PTPN1: variants seen among roughly 807,000 people sequenced by gnomAD.
The protein encoded by PTPN1 is tyrosine-protein phosphatase non-receptor type 1.
Under a neutral mutation model 59.9 loss-of-function variants are expected in PTPN1, and 12 were observed. The ratio of observed to expected loss-of-function variants is 0.20; its 90% CI spans 0.13 to 0.32. The LOEUF (loss-of-function observed/expected upper bound fraction) is 0.32. Ranked by LOEUF, PTPN1 falls within the 10% of genes least tolerant of loss-of-function variation. PTPN1 has a pLI of 1.00. For synonymous variants in PTPN1, 178 were observed against 203.6 expected (o/e 0.87, Z 1.07); for missense variants, 356 against 549.2 (o/e 0.65, Z 3.52).
In PTPN1 at chr20:50,565,066, C is replaced by T. The variant is rs769763816; in HGVS notation, c.252C>T (p.Thr84=). The stretch of plus-strand genomic sequence containing the variant: ...AAGCCCAAAGGAGTTACATTCTTAC[C>T]CAGGTAAGCAGATTGTCTGAATTTT... ...MEEAQRSYIL[T]QGPLPNTCGH... Residue 84 remains threonine (T), a synonymous_variant, in exon 3 of 10, where the codon ACC becomes ACT. Transcript: ENST00000371621. 7 of 1,609,010 alleles carry T rather than the reference C, an allele frequency of 4.4e-6. No homozygotes were observed. In the East Asian group the frequency reaches 1.3e-4, roughly 31 times the overall value.
At chr20:50,511,512 C>A (rs564119614) in intron 1 of PTPN1, among the ~76,000 whole-genome samples, 2 of 152,172 alleles carry the variant, frequency 1.3e-5, no homozygotes, top group Non-Finnish European at 2.9e-5. Context: ...GGAAGGTTAA[C>A]GTTTTAACCC....
chr20:50,549,100 G>A (rs1231181180), intron 1 of PTPN1, among the ~76,000 whole-genome samples: 1 of 152,130 alleles, frequency 6.6e-6, no homozygotes, highest in Non-Finnish European at 1.5e-5. Flanking sequence ...TTGATTTGTT[G>A]GTTATCATTT....
intron 1 of PTPN1, among the ~76,000 whole-genome samples, chr20:50,556,677 G>A (rs778738846): frequency 6.6e-6 from 1 of 152,208 alleles, no homozygotes; most frequent in African/African-American, 2.4e-5. Flanking sequence ...TGGTTTGGCT[G>A]GGTGTCGTGG....
intron 1 of PTPN1, among the ~76,000 whole-genome samples, chr20:50,549,270 C>T (rs957990296): frequency 1.3e-5 from 2 of 152,210 alleles, no homozygotes; most frequent in African/African-American, 4.8e-5. Context: ...ATATTTGGAG[C>T]AGTGGGTGTA....
chr20:50,559,634 AT>A (rs11290327), intron 1 of PTPN1, among the ~76,000 whole-genome samples: 95,939 of 150,656 alleles, frequency 0.64, 30,293 homozygotes, highest in Middle Eastern at 0.78. Context: ...CTAATTTTCT[AT>A]TTTTTTTTCT....
At chr20:50,545,156 A>G (rs753584055) in intron 1 of PTPN1, among the ~76,000 whole-genome samples, 14 of 152,066 alleles carry the variant, frequency 9.2e-5, no homozygotes, top group Non-Finnish European at 1.3e-4. Context: ...TATATTGCCT[A>G]TGTTGTCTAG....
intron 1 of PTPN1, among the ~76,000 whole-genome samples, chr20:50,525,048 T>A (rs1601388203): frequency 6.6e-6 from 1 of 152,278 alleles, no homozygotes; most frequent in African/African-American, 2.4e-5. Context: ...TTCTGATATT[T>A]TTATGGTTAT....
At chr20:50,518,624 TTTG>T (rs1301574350) in intron 1 of PTPN1, among the ~76,000 whole-genome samples, 1 of 151,862 alleles carries the variant, frequency 6.6e-6, no homozygotes, top group African/African-American at 2.4e-5. Context: ...CATTTTTTGG[TTTG>T]TTGTTGTTGT....
At position 50,542,557 on chromosome 20, in the gene PTPN1, G is replaced by A. The variant is rs146244976; in HGVS notation, c.64-18806G>A. ...GGAGGAAGAGTGTATAGCCAATTGT[G>A]TAATGTCTTTAAAGGATATTATCTC... On this transcript the variant is annotated intron_variant, in intron 1 of 9. Coordinates refer to ENST00000371621, the MANE Select transcript of PTPN1 (RefSeq NM_002827.4). Among the ~76,000 whole-genome samples, 757 of 152,272 alleles carry A rather than the reference G, an allele frequency of 5.0e-3. 5 individuals carry two copies. The highest frequency in any genetic ancestry group is 0.017 in the African/African-American group (723 of 41,548).
intron 1 of PTPN1, among the ~76,000 whole-genome samples, chr20:50,547,965 TTAAG>T (rs1293680926): frequency 6.6e-6 from 1 of 152,240 alleles, no homozygotes; most frequent in Non-Finnish European, 1.5e-5. Context: ...TTTAAAAAAA[TTAAG>T]TAAATGACCA....
chr20:50,528,288 A>T (rs2082585844), intron 1 of PTPN1, among the ~76,000 whole-genome samples: 1 of 152,118 alleles, frequency 6.6e-6, no homozygotes, highest in Admixed American at 6.6e-5. Flanking sequence ...CTGTAATAAC[A>T]CGCATTGCTC....
At chr20:50,571,741 C>T in intron 4 of PTPN1, 1 of 152,214 alleles carries the variant, frequency 6.6e-6, no homozygotes, top group East Asian at 1.9e-4. Flanking sequence ...CTCACTGGTT[C>T]TGTTTAAGGA....
chr20:50,533,690 G>GCCCCC (rs11471457), intron 1 of PTPN1, among the ~76,000 whole-genome samples: 1 of 149,904 alleles, frequency 6.7e-6, no homozygotes, highest in African/African-American at 2.5e-5. Flanking sequence ...GGACACCCTT[G>GCCCCC]CCCCCCCCCA....
intron 1 of PTPN1, among the ~76,000 whole-genome samples, chr20:50,547,281 A>G (rs557232507): frequency 3.3e-5 from 5 of 152,210 alleles, no homozygotes; most frequent in Non-Finnish European, 5.9e-5. Flanking sequence ...TATAAATAAT[A>G]TAAACAAAGG....
chr20:50,561,662 TG>T (rs577972990), intron 2 of PTPN1, among the ~76,000 whole-genome samples: 3 of 152,270 alleles, frequency 2.0e-5, no homozygotes, highest in Non-Finnish European at 4.4e-5. Flanking sequence ...TTTCAGTTTC[TG>T]GAAAATTCAG....
At chr20:50,581,741 TTCTC>T (rs773954793) in intron 9 of PTPN1, among the ~76,000 whole-genome samples, 165 of 151,236 alleles carry the variant, frequency 1.1e-3, no homozygotes, top group Non-Finnish European at 1.6e-3. Flanking sequence ...ATACGTCTGT[TTCTC>T]TCTCTCTTTT....
At chr20:50,555,753 G>T (rs1384860557) in intron 1 of PTPN1, among the ~76,000 whole-genome samples, 4 of 149,908 alleles carry the variant, frequency 2.7e-5, no homozygotes, top group Admixed American at 6.6e-5. Flanking sequence ...TGTCTCTCAG[G>T]CATGCACACA....
chr20:50,560,604 TG>T (rs1459223025), intron 1 of PTPN1, among the ~76,000 whole-genome samples: 11 of 151,732 alleles, frequency 7.2e-5, no homozygotes, highest in Non-Finnish European at 1.6e-4. Context: ...CCGTAGGGGA[TG>T]GGGCTGTCTT....
At chr20:50,545,666 G>C (rs1469786957) in intron 1 of PTPN1, among the ~76,000 whole-genome samples, 1 of 152,160 alleles carries the variant, frequency 6.6e-6, no homozygotes, top group Non-Finnish European at 1.5e-5. Context: ...GAAGCAAAAA[G>C]AAAGATGGAG....
Sources: gnomAD v4.1 joint callset for allele counts (sites outside exome capture counted in the v4.1 genomes callset) on GRCh38, gnomAD v4.1.1 for gene constraint, MANE v1.5 for transcripts, NCBI Gene and HGNC (gene_info 2026-07-23, HGNC 2026-07-21) for gene names.